CRPPA: variants seen among roughly 807,000 people sequenced by gnomAD.
CRPPA encodes the protein CDP-L-ribitol pyrophosphorylase A.
A neutral mutation model predicts 52.0 loss-of-function variants in CRPPA; 43 were observed. The observed-to-expected ratio is 0.83, with a 90% CI of 0.65 to 1.07. The LOEUF is 1.07. CRPPA is among the 50% of genes least tolerant of loss of function. The probability of loss-of-function intolerance (pLI) is 0.00; values close to 1 mark genes in which losing one functional copy is unlikely to be tolerated. For missense variants in CRPPA, 629 were observed against 551.7 expected (o/e 1.14, Z -1.40); for synonymous variants, 250 against 203.5 (o/e 1.23, Z -1.94).
chr7:16,377,108 A>C (rs769339632), intron 2 of CRPPA, among the ~76,000 whole-genome samples: 1 of 152,202 alleles, frequency 6.6e-6, no homozygotes, highest in Non-Finnish European at 1.5e-5. Context: ...GATGAGACCA[A>C]CATCTGAACA....
intron 2 of CRPPA, among the ~76,000 whole-genome samples, chr7:16,390,148 C>T (rs1787405629): frequency 6.6e-6 from 1 of 151,578 alleles, no homozygotes; most frequent in South Asian, 2.1e-4. Flanking sequence ...TTACCCATTC[C>T]CTCTCAAATA....
chr7:16,220,922 T>C (rs1782481266), intron 8 of CRPPA, among the ~76,000 whole-genome samples: 2 of 152,164 alleles, frequency 1.3e-5, no homozygotes, highest in South Asian at 4.1e-4. Context: ...AGTGACTTTC[T>C]TCACAGAATT....
At chr7:16,293,814 G>T (rs1168149003) in intron 5 of CRPPA, among the ~76,000 whole-genome samples, 1 of 151,958 alleles carries the variant, frequency 6.6e-6, no homozygotes, top group African/African-American at 2.4e-5. Flanking sequence ...GTGAGTCACT[G>T]AATATAGGAT....
At position 16,097,637 on chromosome 7, in the gene CRPPA, T is replaced by C. The variant is rs573085387; in HGVS notation, c.1252-5838A>G. The stretch of plus-strand genomic sequence containing the variant: ...GTCTTTGTGTGCGTTTGTCTTTTTG[T>C]TGTTGACTTGGTTCTTTTGTGATGA... On this transcript the variant is annotated intron_variant, in intron 9 of 9. Transcript: ENST00000407010. Among the ~76,000 whole-genome samples, 4 of 152,316 alleles carry C rather than the reference T, an allele frequency of 2.6e-5. No homozygotes were observed. In the South Asian group the frequency reaches 8.3e-4, roughly 32 times the overall value.
At chr7:16,199,854 C>CTTTTT (rs68003825) in intron 9 of CRPPA, among the ~76,000 whole-genome samples, 51 of 120,078 alleles carry the variant, frequency 4.2e-4, no homozygotes, top group South Asian at 1.1e-3. Flanking sequence ...TAAGCTTTTT[C>CTTTTT]TTTTTTTTTT....
intron 9 of CRPPA, among the ~76,000 whole-genome samples, chr7:16,092,505 C>G (rs1781856818): frequency 6.6e-6 from 1 of 152,092 alleles, no homozygotes; most frequent in Admixed American, 6.6e-5. Flanking sequence ...ATTACTAGGA[C>G]CTATTGTAGC....
intron 3 of CRPPA, among the ~76,000 whole-genome samples, chr7:16,358,426 C>A (rs984225614): frequency 6.6e-6 from 1 of 152,162 alleles, no homozygotes; most frequent in Non-Finnish European, 1.5e-5. Flanking sequence ...AGTACAATTA[C>A]CTTTCACGGG....
intron 8 of CRPPA, among the ~76,000 whole-genome samples, chr7:16,254,792 G>GGAAGGAAAGAAAGAAAGAAAGAAA (rs1392503305): frequency 7.9e-5 from 8 of 101,662 alleles, no homozygotes; most frequent in Non-Finnish European, 9.7e-5. Flanking sequence ...AAAGAAAGAA[G>GGAAGGAAAGAAAGAAAGAAAGAAA]GAAAGAAAGA....
intron 3 of CRPPA, among the ~76,000 whole-genome samples, chr7:16,362,926 C>T (rs1786496343): frequency 6.6e-6 from 1 of 152,126 alleles, no homozygotes; most frequent in Admixed American, 6.5e-5. Context: ...TTCATCTCCC[C>T]TTCCCCATCC....
intron 9 of CRPPA, among the ~76,000 whole-genome samples, chr7:16,141,620 A>G (rs1027371774): frequency 3.9e-5 from 6 of 152,202 alleles, no homozygotes; most frequent in African/African-American, 1.2e-4. Context: ...CAAGCTAGTA[A>G]TCATCAGTGT....
chr7:16,148,419 G>A (rs902790755), intron 9 of CRPPA, among the ~76,000 whole-genome samples: 2 of 152,116 alleles, frequency 1.3e-5, no homozygotes, highest in Non-Finnish European at 2.9e-5. Context: ...ATAAAAAAAT[G>A]TGGTACATAT....
chr7:16,199,426 C>G (rs1015395702), intron 9 of CRPPA, among the ~76,000 whole-genome samples: 15 of 152,072 alleles, frequency 9.9e-5, no homozygotes, highest in African/African-American at 3.6e-4. Flanking sequence ...TTAAAAAAAT[C>G]TGTATCAAAG....
intron 8 of CRPPA, among the ~76,000 whole-genome samples, chr7:16,250,868 C>T (rs1343358946): frequency 6.6e-6 from 1 of 152,098 alleles, no homozygotes; most frequent in Non-Finnish European, 1.5e-5. Context: ...CAAATTCACA[C>T]ATAACAATAT....
Position 16,091,727 on chromosome 7 carries a change from A to G in CRPPA, c.1324T>C (p.Ser442Pro). 6.4e-7 allele frequency: 1 copy of G among 1,561,818 alleles called. No homozygotes were observed. The highest frequency in any genetic ancestry group is 1.9e-5 in the Admixed American group (1 of 52,072). The part of the protein sequence containing the change: ...IIASLIKERN[S>P]GLIGQLLIA ...ATCAGAAGCTGACCAATGAGTCCAG[A>G]ATTTCTTTCCTTGATTAATGAAGCA... The change falls in exon 10 of 10, where the codon TCT (serine) becomes CCT (proline). Residue 442 changes from serine to proline, a missense_variant. Ser to Pro is a moderately conservative substitution (Grantham distance 74). Transcript: ENST00000407010.
At chr7:16,367,326 T>C (rs541375477) in intron 3 of CRPPA, among the ~76,000 whole-genome samples, 13 of 152,050 alleles carry the variant, frequency 8.5e-5, no homozygotes, top group African/African-American at 3.1e-4. Context: ...ACCGAACAAC[T>C]AAGCAAAAAC....
At chr7:16,323,137 A>T (rs747476095) in intron 3 of CRPPA, among the ~76,000 whole-genome samples, 28 of 152,170 alleles carry the variant, frequency 1.8e-4, no homozygotes, top group Non-Finnish European at 8.8e-5. Flanking sequence ...GCCAAACCAT[A>T]CGAAATAGAA....
chr7:16,225,754 G>A (rs918600736), intron 8 of CRPPA, among the ~76,000 whole-genome samples: 2 of 151,808 alleles, frequency 1.3e-5, no homozygotes, highest in African/African-American at 2.4e-5. Context: ...ATACTAAACA[G>A]TTTTACAGTT....
chr7:16,366,420 A>G (rs1786589756), intron 3 of CRPPA, among the ~76,000 whole-genome samples: 1 of 152,200 alleles, frequency 6.6e-6, no homozygotes, highest in Non-Finnish European at 1.5e-5. Flanking sequence ...CAAAAGCTAG[A>G]AAATTAAAGA....
rs147625627 is a variant in CRPPA, at chr7:16,309,164, CTG to C, written c.685-539_685-538del. ...ATTTAGTCTTTCATTGTGCGAAAAACTGTAAACATATCTCATAAATTCAGTAA... is the reference window on the plus strand; with the variant it reads ...ATTTAGTCTTTCATTGTGCGAAAAACTAAACATATCTCATAAATTCAGTAA... On this transcript the variant is annotated intron_variant, in intron 3 of 9. Coordinates refer to ENST00000407010, the MANE Select transcript of CRPPA (RefSeq NM_001101426.4). Among the ~76,000 whole-genome samples the C allele has an allele frequency of 7.0e-3, 1,069 of 152,174 alleles. 18 individuals are homozygous for C. Among genetic ancestry groups the C allele is most frequent in the African/African-American group, 0.025 (1,044 of 41,502 alleles).
Sources: allele counts gnomAD v4.1 joint callset (sites outside exome capture counted in the v4.1 genomes callset), GRCh38; gene constraint gnomAD v4.1.1; transcripts MANE v1.5; gene names NCBI Gene and HGNC (gene_info 2026-07-23, HGNC 2026-07-21).